UBE2H: variants seen among roughly 807,000 people sequenced by gnomAD.
UBE2H encodes the protein ubiquitin conjugating enzyme E2 H.
UBE2H carries 3 observed loss-of-function variants against 29.0 expected under a neutral mutation model. The observed-to-expected ratio is 0.10, with a 90% CI of 0.05 to 0.27. The LOEUF (loss-of-function observed/expected upper bound fraction) is 0.27, where lower values mean the gene tolerates loss of function less well. Ranked by LOEUF, UBE2H falls within the 10% of genes least tolerant of loss-of-function variation. UBE2H has a pLI of 1.00. For synonymous variants in UBE2H, 69 were observed against 82.9 expected (o/e 0.83, Z 0.91); for missense variants, 68 against 228.2 (o/e 0.30, Z 4.52).
At chr7:129,844,120 T>A (rs1805473268) in intron 5 of UBE2H, among the ~76,000 whole-genome samples, 1 of 152,248 alleles carries the variant, frequency 6.6e-6, no homozygotes, top group African/African-American at 2.4e-5. Flanking sequence ...ACCGTCTTCC[T>A]GCATTAACAC....
intron 1 of UBE2H, among the ~76,000 whole-genome samples, chr7:129,934,490 T>C (rs1807477475): frequency 6.7e-6 from 1 of 149,982 alleles, no homozygotes; most frequent in Admixed American, 6.7e-5. Context: ...CTACAAAAAT[T>C]AGTCGGGCAT....
chr7:129,863,808 G>GTTTTTTT lies in UBE2H; in HGVS notation c.206-4874_206-4868dup, dbSNP rs34701981. On this transcript the variant is annotated intron_variant, in intron 3 of 6. Coordinates refer to ENST00000355621, the MANE Select transcript of UBE2H (RefSeq NM_003344.4). ...AAAATGATCTCTTCCAATACTAGGT[G>GTTTTTTT]TTTTTTTTTTTTTTTGAGATAAGGT... is the stretch of plus-strand genomic sequence containing the variant. Among the ~76,000 whole-genome samples, 555 of 136,018 alleles carry GTTTTTTT rather than the reference G, an allele frequency of 4.1e-3. 8 individuals are homozygous for GTTTTTTT. Among genetic ancestry groups the GTTTTTTT allele is most frequent in the African/African-American group, 0.014 (491 of 36,314 alleles). 89.2% of individuals were successfully genotyped at this position (136,018 alleles called of 152,430 possible).
chr7:129,921,878 C>T (rs1262182731), intron 1 of UBE2H, among the ~76,000 whole-genome samples: 1 of 152,118 alleles, frequency 6.6e-6, no homozygotes, highest in African/African-American at 2.4e-5. Flanking sequence ...AAACATCTCA[C>T]CATTTCAATA....
chr7:129,883,642 G>A (rs534751827), intron 1 of UBE2H, among the ~76,000 whole-genome samples: 23 of 152,320 alleles, frequency 1.5e-4, no homozygotes, highest in Admixed American at 9.1e-4. Flanking sequence ...AGGAGTTTGC[G>A]ACCAGCCTGG....
At chr7:129,872,703 C>T (rs1806064106) in intron 3 of UBE2H, among the ~76,000 whole-genome samples, 1 of 151,704 alleles carries the variant, frequency 6.6e-6, no homozygotes, top group East Asian at 2.0e-4. Context: ...ATTAGCAGGG[C>T]ATGATGGAGC....
At chr7:129,896,013 G>A (rs186487993) in intron 1 of UBE2H, among the ~76,000 whole-genome samples, 5 of 152,168 alleles carry the variant, frequency 3.3e-5, no homozygotes, top group African/African-American at 9.6e-5. Flanking sequence ...TATCTATGTA[G>A]TGCCTTTGGT....
intron 1 of UBE2H, among the ~76,000 whole-genome samples, chr7:129,944,562 C>G (rs1021937184): frequency 6.6e-6 from 1 of 152,062 alleles, no homozygotes; most frequent in African/African-American, 2.4e-5. Flanking sequence ...TTGAGACCAG[C>G]CTGGCCAACA....
intron 3 of UBE2H, 67 bp downstream of exon 3, chr7:129,879,501 G>T: frequency 6.8e-7 from 1 of 1,467,786 alleles, no homozygotes; most frequent in Non-Finnish European, 9.5e-7. Flanking sequence ...TACCTCCCCT[G>T]AAATGTAAGA....
At chr7:129,878,751 T>C (rs1428249930) in intron 3 of UBE2H, among the ~76,000 whole-genome samples, 3 of 149,446 alleles carry the variant, frequency 2.0e-5, no homozygotes, top group African/African-American at 7.4e-5. Flanking sequence ...ATTCTGAACA[T>C]GAGGCTTAGT....
chr7:129,912,453 C>T (rs1050916991), intron 1 of UBE2H, among the ~76,000 whole-genome samples: 1 of 152,054 alleles, frequency 6.6e-6, no homozygotes, highest in Non-Finnish European at 1.5e-5. Flanking sequence ...CTGGGCTTGG[C>T]GATCCTCCCA....
At chr7:129,857,280 T>G (rs1187441515) in intron 5 of UBE2H, 1 of 553,674 alleles carries the variant, frequency 1.8e-6, no homozygotes, top group Non-Finnish European at 3.2e-6. Context: ...CATGTATCAC[T>G]ATACCTTAAG....
chr7:129,863,427 C>T (rs1481202003), intron 3 of UBE2H, among the ~76,000 whole-genome samples: 1 of 152,192 alleles, frequency 6.6e-6, no homozygotes, highest in African/African-American at 2.4e-5. Context: ...CCTACGAAGA[C>T]AAATAGTTGA....
intron 1 of UBE2H, among the ~76,000 whole-genome samples, chr7:129,904,882 G>A (rs1806784737): frequency 2.6e-5 from 4 of 152,230 alleles, no homozygotes; most frequent in African/African-American, 9.6e-5. Flanking sequence ...AGGTGCTCCT[G>A]TCCTAATCCA....
At chr7:129,875,412 TCTGA>T (rs1429382894) in intron 3 of UBE2H, among the ~76,000 whole-genome samples, 2 of 152,252 alleles carry the variant, frequency 1.3e-5, no homozygotes, top group African/African-American at 4.8e-5. Flanking sequence ...TTAGGTTGCT[TCTGA>T]CTTTTAAGTA....
At chr7:129,883,516 T>C (rs1330285287) in intron 1 of UBE2H, among the ~76,000 whole-genome samples, 1 of 152,208 alleles carries the variant, frequency 6.6e-6, no homozygotes, top group Non-Finnish European at 1.5e-5. Context: ...AGCTGTAGTA[T>C]AGTCACCCAA....
intron 1 of UBE2H, among the ~76,000 whole-genome samples, chr7:129,937,185 C>T (rs914806438): frequency 7.9e-5 from 12 of 151,804 alleles, no homozygotes; most frequent in Admixed American, 5.3e-4. Context: ...AAAAATTAGC[C>T]GGGCATGGTG....
At chr7:129,864,913 T>G (rs925890332) in intron 3 of UBE2H, 2 of 235,368 alleles carry the variant, frequency 8.5e-6, no homozygotes, top group African/African-American at 4.5e-5. Context: ...TCAGAACTCC[T>G]TAAGTTTTTT....
intron 1 of UBE2H, among the ~76,000 whole-genome samples, chr7:129,952,187 G>A (rs1807890667): frequency 6.6e-6 from 1 of 151,994 alleles, no homozygotes; most frequent in Admixed American, 6.6e-5. Context: ...GTGGTAGAGA[G>A]TGAGGCGACT....
chr7:129,902,817 C>A (rs1806743617), intron 1 of UBE2H, among the ~76,000 whole-genome samples: 2 of 152,200 alleles, frequency 1.3e-5, no homozygotes, highest in African/African-American at 4.8e-5. Flanking sequence ...GCATATTTAC[C>A]CTACGGGGAA....
Sources: gnomAD v4.1 joint callset for allele counts (sites outside exome capture counted in the v4.1 genomes callset) on GRCh38, gnomAD v4.1.1 for gene constraint, MANE v1.5 for transcripts, NCBI Gene and HGNC (gene_info 2026-07-23, HGNC 2026-07-21) for gene names.